The following LGALS8 variants were observed in gnomAD, a reference collection of about 807,000 sequenced individuals.
LGALS8 encodes galectin-8.
Under a neutral mutation model 35.9 loss-of-function variants are expected in LGALS8, and 30 were observed. That is an observed-to-expected ratio of 0.83 (90% CI 0.62 to 1.13). The LOEUF is 1.13. Ranked by LOEUF, LGALS8 falls within the 50% of genes most tolerant of loss-of-function variation. The pLI is 0.00. For missense variants in LGALS8, 366 were observed against 388.7 expected (o/e 0.94, Z 0.49); for synonymous variants, 138 against 136.1 (o/e 1.01, Z -0.10).
At chr1:236,522,879 T>TC (rs1332585723), upstream of LGALS8, among the ~76,000 whole-genome samples, 1 of 152,136 alleles carries the variant, frequency 6.6e-6, no homozygotes, top group Non-Finnish European at 1.5e-5. Flanking sequence ...GAACATGAGT[T>TC]CCCAGTTATG....
rs371245157 is a variant in LGALS8 at position 236,538,101 on chromosome 1, A to AAAAAAAAAG, written c.134+519_134+520insAAAAAGAAA. On this transcript the variant is annotated intron_variant, in intron 3 of 9. Transcript: ENST00000366584. ...GCCTGGGTGACAAAAAAAAAAAAGA[A>AAAAAAAAAG]AAAGAAAAAGAATTAGGTATGTCAT... is the stretch of plus-strand genomic sequence containing the variant. 1.2e-4 allele frequency among the ~76,000 whole-genome samples: 12 copies of AAAAAAAAAG among 96,086 alleles called. 1 individual carries two copies. The highest frequency in any genetic ancestry group is 2.7e-4 in the African/African-American group (8 of 30,120). The allele number at this position is 96,086 out of a possible 152,430, so 63.0% of individuals were successfully genotyped here. A position where few individuals can be genotyped will look rare whatever the true frequency, so the allele number is the denominator to read the frequency against.
chr1:236,537,926 C>CCCCG (rs1171178238), intron 3 of LGALS8, among the ~76,000 whole-genome samples: 1 of 99,344 alleles, frequency 1.0e-5, no homozygotes, highest in African/African-American at 3.2e-5. Context: ...AGTGAGACCC[C>CCCCG]CCATCTGTAA....
At chr1:236,545,691 A>G (rs2243959) in intron 9 of LGALS8, among the ~76,000 whole-genome samples, 92,908 of 152,016 alleles carry the variant, frequency 0.61, 29,290 homozygotes, top group Non-Finnish European at 0.69. Flanking sequence ...TGTGACATTC[A>G]TATTTATCCC....
In LGALS8 at chr1:236,548,236, C is replaced by A; in HGVS notation, c.*75C>A. The A allele has an allele frequency of 7.9e-7, 1 of 1,268,940 alleles. No homozygotes were observed. The highest frequency in any genetic ancestry group is 1.1e-6 in the Non-Finnish European group (1 of 896,484). The allele number at this position is 1,268,940 out of a possible 1,614,324, so 78.6% of individuals were successfully genotyped here. A position where few individuals can be genotyped will look rare whatever the true frequency, so the allele number is the denominator to read the frequency against. ...ATACTGGCCTTGCTGAAACGCATCT[C>A]ACTGTCATTCTATTGTTTATATTGT... On this transcript the variant is annotated 3_prime_UTR_variant, in exon 10 of 10. Coordinates refer to ENST00000366584, the MANE Select transcript of LGALS8 (RefSeq NM_201544.4).
Position 236,552,890 on chromosome 1 carries a change from C to G in LGALS8, c.*4729C>G, listed in dbSNP as rs969588721. On this transcript the variant is annotated 3_prime_UTR_variant, in exon 10 of 10. Coordinates refer to ENST00000366584, the MANE Select transcript of LGALS8 (RefSeq NM_201544.4). Reference sequence around the variant, plus strand: ...TTTGATACTGCTACTTGTATAAAAACCTATGGTTTAAAATGTGGGGGTTCA... The same window carrying G: ...TTTGATACTGCTACTTGTATAAAAAGCTATGGTTTAAAATGTGGGGGTTCA... 1 of 152,168 alleles carries G rather than the reference C, an allele frequency of 6.6e-6. No individual in the cohort carries two copies. The highest frequency in any genetic ancestry group is 1.5e-5 in the Non-Finnish European group (1 of 68,040). 9.4% of individuals were successfully genotyped at this position (152,168 alleles called of 1,614,324 possible). A position where few individuals can be genotyped will look rare whatever the true frequency, so the allele number is the denominator to read the frequency against.
chr1:236,533,427 T>C lies in LGALS8; in HGVS notation c.46-4070T>C, dbSNP rs186464961. On this transcript the variant is annotated intron_variant, in intron 2 of 9. Transcript: ENST00000366584. ...TCGGCTCATTGCAACCTCCGCCTCC[T>C]GGGTTCAAGTGATTCTCCTGCCTCA... Among the ~76,000 whole-genome samples, 447 of 151,956 alleles carry C rather than the reference T, an allele frequency of 2.9e-3. 1 individual carries two copies. The highest frequency in any genetic ancestry group is 4.8e-3 in the Non-Finnish European group (324 of 67,962).
rs1388482480 is a variant in LGALS8, at chr1:236,550,943, G to C, written c.*2782G>C. 1.3e-6 allele frequency: 2 copies of C among 1,599,018 alleles called. No individual in the cohort carries two copies. Among genetic ancestry groups the C allele is most frequent in the Non-Finnish European group, 1.7e-6 (2 of 1,172,818 alleles). ...AGTGGCTCTCCCAGGACAGTTTCCA[G>C]TTGCTGAATAGTCTTTTGGCACTGA... On this transcript the variant is annotated 3_prime_UTR_variant, in exon 10 of 10. Coordinates refer to ENST00000366584, the MANE Select transcript of LGALS8 (RefSeq NM_201544.4).
chr1:236,550,524 G>A lies in LGALS8; in HGVS notation c.*2363G>A, dbSNP rs76083885. ...GTGAAATCTGCAACATGGATACCATGTATGTAAGATACTGCTGTACAGAAG... is the reference window on the plus strand; with the variant it reads ...GTGAAATCTGCAACATGGATACCATATATGTAAGATACTGCTGTACAGAAG... On this transcript the variant is annotated 3_prime_UTR_variant, in exon 10 of 10. Transcript: ENST00000366584. 8.4e-4 allele frequency: 146 copies of A among 173,382 alleles called. No individual in the cohort carries two copies. The highest frequency in any genetic ancestry group is 3.3e-3 in the African/African-American group (138 of 42,428). 10.7% of individuals were successfully genotyped at this position (173,382 alleles called of 1,614,324 possible).
At position 236,548,823 on chromosome 1, in the gene LGALS8, A is replaced by C; in HGVS notation, c.*662A>C. On this transcript the variant is annotated 3_prime_UTR_variant, in exon 10 of 10. Coordinates refer to ENST00000366584, the MANE Select transcript of LGALS8 (RefSeq NM_201544.4). ...GGCTCTATTAGCTGCAAGCTTTACC[A>C]AGTAATTGGCATGACATCTGAGCAC... 2 of 397,658 alleles carry C rather than the reference A, an allele frequency of 5.0e-6. No homozygotes were observed. The highest frequency in any genetic ancestry group is 6.3e-4 in the Middle Eastern group (1 of 1,582). 24.6% of individuals were successfully genotyped at this position (397,658 alleles called of 1,614,324 possible).
chr1:236,548,123 A>G lies in LGALS8; in HGVS notation c.916A>G (p.Asn306Asp). The G allele has an allele frequency of 1.9e-6, 3 of 1,614,054 alleles. No individual in the cohort carries two copies. Among genetic ancestry groups the G allele is most frequent in the Non-Finnish European group, 2.5e-6 (3 of 1,179,918 alleles). ...ELSSIDTLEINGDIHLLEVRS... is the reference protein window; with the variant it reads ...ELSSIDTLEIDGDIHLLEVRS... ...CAGCAGTATTGACACGCTGGAAATT[A>G]ATGGAGACATCCACTTACTGGAAGT... The change falls in exon 10 of 10, where the codon AAT (asparagine) becomes GAT (aspartate). Residue 306 changes from asparagine to aspartate, a missense_variant. By Grantham distance (23) the Asn-to-Asp change is conservative. Coordinates refer to ENST00000366584, the MANE Select transcript of LGALS8 (RefSeq NM_201544.4).
At chr1:236,534,965 G>A (rs1397675499) in intron 2 of LGALS8, among the ~76,000 whole-genome samples, 1 of 111,822 alleles carries the variant, frequency 8.9e-6, no homozygotes, top group African/African-American at 3.0e-5. Context: ...GATGGCTGAG[G>A]CAGGAGAATC....
Position 236,526,186 on chromosome 1 carries a change from G to T in LGALS8, c.45+71G>T. 9.1e-7 allele frequency: 1 copy of T among 1,097,854 alleles called. No individual in the cohort carries two copies. The allele number at this position is 1,097,854 out of a possible 1,614,324, so 68.0% of individuals were successfully genotyped here. On this transcript the variant is annotated intron_variant, in intron 2 of 9. Transcript: ENST00000366584. This position sits in a 1 kb window ranked among gnomAD's most constrained non-coding sequence, Gnocchi z 4.6. ...TCCAATAGAATATTAATTATCCATTGGGAGACAGGGCAAGAATAAAAGCCA... is the reference window on the plus strand; with the variant it reads ...TCCAATAGAATATTAATTATCCATTTGGAGACAGGGCAAGAATAAAAGCCA...
In LGALS8 at chr1:236,547,013, T is replaced by C. The variant is rs201027126; in HGVS notation, c.805-999T>C. Among the ~76,000 whole-genome samples the C allele has an allele frequency of 2.6e-5, 4 of 151,766 alleles. No homozygotes were observed. In the East Asian group the frequency reaches 7.8e-4, roughly 29 times the overall value. On this transcript the variant is annotated intron_variant, in intron 9 of 9. Transcript: ENST00000366584. ...CCTTGACAGTCCTTTCCACTGCTCC[T>C]ATCAAAAGAATGGAAACCCTCAACT...
intron 6 of LGALS8, chr1:236,542,421 AG>A (rs201361124): frequency 0.029 from 9,244 of 316,578 alleles, 241 homozygotes; most frequent in Admixed American, 0.098. Context: ...TTGAGGCTGC[AG>A]TGAGCCATGA....
Position 236,548,218 on chromosome 1 carries a change from C to T in LGALS8, c.*57C>T. On this transcript the variant is annotated 3_prime_UTR_variant, in exon 10 of 10. Coordinates refer to ENST00000366584, the MANE Select transcript of LGALS8 (RefSeq NM_201544.4). ...TACAGAATGGCTTCTGTGATACTGG[C>T]CTTGCTGAAACGCATCTCACTGTCA... 6.7e-7 allele frequency: 1 copy of T among 1,490,724 alleles called. No homozygotes were observed. Among genetic ancestry groups the T allele is most frequent in the Non-Finnish European group, 9.2e-7 (1 of 1,087,140 alleles). The allele number at this position is 1,490,724 out of a possible 1,614,324, so 92.3% of individuals were successfully genotyped here. A position where few individuals can be genotyped will look rare whatever the true frequency, so the allele number is the denominator to read the frequency against.
rs1662311254 is a variant in LGALS8, at chr1:236,545,551, T to C, written c.804+636T>C. ...AGGTGCCACTGCCTCACACAGTCAC[T>C]TAGGGTCATTGGTTTAGGTTATCAT... On this transcript the variant is annotated intron_variant, in intron 9 of 9. Transcript: ENST00000366584. Among the ~76,000 whole-genome samples the C allele has an allele frequency of 3.3e-5, 5 of 152,310 alleles. No individual in the cohort carries two copies. The South Asian group carries it at 1.0e-3, about 32-fold the overall frequency.
intron 3 of LGALS8, among the ~76,000 whole-genome samples, chr1:236,538,101 A>AAAACAAAAAAAAAAAAAAAAAG (rs371245157): frequency 1.0e-5 from 1 of 96,052 alleles, no homozygotes; most frequent in Non-Finnish European, 2.3e-5. Context: ...AAAAAAAAGA[A>AAAACAAAAAAAAAAAAAAAAAG]AAAGAAAAAG....
rs949751191 is a variant in LGALS8 at position 236,550,523 on chromosome 1, T to C, written c.*2362T>C. ...AGTGAAATCTGCAACATGGATACCA[T>C]GTATGTAAGATACTGCTGTACAGAA... On this transcript the variant is annotated 3_prime_UTR_variant, in exon 10 of 10. Transcript: ENST00000366584. The C allele has an allele frequency of 1.3e-4, 22 of 172,432 alleles. No individual in the cohort carries two copies. The highest frequency in any genetic ancestry group is 4.3e-4 in the African/African-American group (18 of 42,276). The allele number at this position is 172,432 out of a possible 1,614,324, so 10.7% of individuals were successfully genotyped here.
At position 236,538,904 on chromosome 1, in the gene LGALS8, A is replaced by G. The variant is rs1467357059; in HGVS notation, c.160A>G (p.Ser54Gly). The G allele has an allele frequency of 6.2e-7, 1 of 1,612,990 alleles. No individual in the cohort carries two copies. The highest frequency in any genetic ancestry group is 1.7e-5 in the Admixed American group (1 of 60,014). ...DRFQVDLQNGSSMKPRADVAF... is the reference protein window; with the variant it reads ...DRFQVDLQNGGSMKPRADVAF... ...ATTCCAGGTGGATCTGCAGAATGGC[A>G]GCAGCATGAAACCTCGAGCCGATGT... Residue 54 changes from serine to glycine, a missense_variant, in exon 4 of 10, where the codon AGC becomes GGC. Coordinates refer to ENST00000366584, the MANE Select transcript of LGALS8 (RefSeq NM_201544.4).
Sources: allele counts gnomAD v4.1 joint callset (sites outside exome capture counted in the v4.1 genomes callset), GRCh38; gene constraint gnomAD v4.1.1; non-coding constraint Gnocchi (gnomAD v3.1); transcripts MANE v1.5; gene names NCBI Gene and HGNC (gene_info 2026-07-23, HGNC 2026-07-21).